Variants in MCM9 observed in about 807,000 individuals in gnomAD.
MCM9 encodes the protein DNA helicase MCM9.
MCM9 carries 55 observed loss-of-function variants against 72.8 expected under a neutral mutation model. The ratio of observed to expected loss-of-function variants is 0.76; its 90% CI spans 0.61 to 0.95. MCM9 has a LOEUF of 0.95. MCM9 is among the 40% of genes least tolerant of loss of function. The pLI, the probability that MCM9 is intolerant of heterozygous loss-of-function variation, is 0.00. For missense variants in MCM9, 1,279 were observed against 1,377.0 expected (o/e 0.93, Z 1.13); for synonymous variants, 480 against 503.4 (o/e 0.95, Z 0.62).
intron 8 of MCM9, among the ~76,000 whole-genome samples, chr6:118,894,943 G>C (rs1208816327): frequency 2.0e-5 from 3 of 152,194 alleles, no homozygotes; most frequent in South Asian, 2.1e-4. Context: ...GGCGAGTTCG[G>C]AGCGGAGCCA....
intron 8 of MCM9, among the ~76,000 whole-genome samples, chr6:118,901,194 G>GTT (rs1779779028): frequency 6.6e-6 from 1 of 152,180 alleles, no homozygotes; most frequent in Admixed American, 6.5e-5. Flanking sequence ...TAGCACCTCA[G>GTT]TATCAGACTT....
chr6:118,918,752 G>T (rs1288247126), intron 5 of MCM9: 2 of 152,092 alleles, frequency 1.3e-5, no homozygotes, highest in East Asian at 3.8e-4. Context: ...GAACTAACAG[G>T]CAATTCTTCA....
At chr6:118,844,115 C>T (rs1432922451) in intron 9 of MCM9, among the ~76,000 whole-genome samples, 3 of 151,742 alleles carry the variant, frequency 2.0e-5, no homozygotes, top group Non-Finnish European at 4.4e-5. Context: ...TCCCTTTGCA[C>T]ACTTAACCCT....
intron 8 of MCM9, among the ~76,000 whole-genome samples, chr6:118,883,239 AG>A (rs1778406081): frequency 6.6e-6 from 1 of 152,268 alleles, no homozygotes; most frequent in East Asian, 1.9e-4. Flanking sequence ...AAATTGCAGA[AG>A]AAAAAGTCAG....
intron 8 of MCM9, among the ~76,000 whole-genome samples, chr6:118,887,607 A>G (rs1485900215): frequency 2.0e-5 from 3 of 152,236 alleles, no homozygotes; most frequent in African/African-American, 4.8e-5. Context: ...ACAATCCAAC[A>G]TAACGAAAAT....
At chr6:118,910,659 G>A (rs1197598788) in intron 8 of MCM9, 2 of 985,194 alleles carry the variant, frequency 2.0e-6, no homozygotes, top group Non-Finnish European at 2.4e-6. Context: ...AGAACACTGG[G>A]TCATACGGAT....
intron 6 of MCM9, 45 bp downstream of exon 6, chr6:118,917,516 T>C: frequency 4.5e-6 from 7 of 1,554,416 alleles, no homozygotes; most frequent in Non-Finnish European, 4.4e-6. Flanking sequence ...AACCACTGAA[T>C]GTAATACCAT....
intron 3 of MCM9, among the ~76,000 whole-genome samples, chr6:118,929,855 C>G (rs1782240717): frequency 6.6e-6 from 1 of 152,038 alleles, no homozygotes; most frequent in African/African-American, 2.4e-5. Flanking sequence ...TTGATCCCAT[C>G]AAGAGATTAT....
chr6:118,911,286 C>G (rs1467860366), intron 8 of MCM9: 2 of 1,003,894 alleles, frequency 2.0e-6, no homozygotes, highest in Non-Finnish European at 1.2e-6. Flanking sequence ...GCCTTAAGCT[C>G]TATACCATCT....
intron 2 of MCM9, 55 bp downstream of exon 2, chr6:118,932,552 C>T: frequency 1.1e-6 from 1 of 944,944 alleles, no homozygotes; most frequent in Non-Finnish European, 1.3e-6. Flanking sequence ...CTCTCTCTCT[C>T]TTTAGTTATA....
In MCM9 at chr6:118,826,811, C is replaced by T; in HGVS notation, c.1786G>A (p.Val596Met). The T allele has an allele frequency of 1.3e-6, 2 of 1,550,376 alleles. No homozygotes were observed. Among genetic ancestry groups the T allele is most frequent in the Non-Finnish European group, 1.7e-6 (2 of 1,146,886 alleles). The part of the protein sequence containing the change: ...DTVTLEDAIT[V>M]VSVMESSMQG... Reference sequence around the variant, plus strand: ...ATTGAGGACTCCATGACTGACACCACCGTAATAGCGTCTTCCAGAGTTACA... The same window carrying T: ...ATTGAGGACTCCATGACTGACACCATCGTAATAGCGTCTTCCAGAGTTACA... Residue 596 changes from valine to methionine, a missense_variant, in exon 12 of 14, where the codon GTG (valine) becomes ATG (methionine). Transcript: ENST00000619706.
rs145981353 is a variant in MCM9 at position 118,842,712 on chromosome 6, G to A, written c.1326-13462C>T. ...TTTTAAAATTTTTTGAAGAAAAGGG[G>A]TCTCATTATGTTGCCCAGGTTGGTC... is the stretch of plus-strand genomic sequence containing the variant. On this transcript the variant is annotated intron_variant, in intron 9 of 13. Coordinates refer to ENST00000619706, the MANE Select transcript of MCM9 (RefSeq NM_017696.3). Among the ~76,000 whole-genome samples, 583 of 152,110 alleles carry A rather than the reference G, an allele frequency of 3.8e-3. 6 individuals carry two copies. Among genetic ancestry groups the A allele is most frequent in the African/African-American group, 0.013 (556 of 41,482 alleles).
intron 9 of MCM9, among the ~76,000 whole-genome samples, chr6:118,841,777 T>G (rs892129734): frequency 6.6e-6 from 1 of 151,996 alleles, no homozygotes; most frequent in Non-Finnish European, 1.5e-5. Flanking sequence ...GCAGAAAGCA[T>G]GACATTGTTT....
chr6:118,835,834 A>G (rs1774916423), intron 9 of MCM9, among the ~76,000 whole-genome samples: 1 of 151,846 alleles, frequency 6.6e-6, no homozygotes, highest in South Asian at 2.1e-4. Flanking sequence ...ATTTGTACCC[A>G]TTATTTCTTT....
At chr6:118,847,515 G>C (rs915239976) in intron 9 of MCM9, among the ~76,000 whole-genome samples, 1 of 150,330 alleles carries the variant, frequency 6.7e-6, no homozygotes, top group African/African-American at 2.5e-5. Flanking sequence ...GTGCTAAGGA[G>C]AGGAATAAAA....
At chr6:118,838,455 G>A (rs910752524) in intron 9 of MCM9, among the ~76,000 whole-genome samples, 1 of 151,586 alleles carries the variant, frequency 6.6e-6, no homozygotes, top group Non-Finnish European at 1.5e-5. Context: ...CACCACGCCC[G>A]GCTTTTTTGT....
intron 8 of MCM9, among the ~76,000 whole-genome samples, chr6:118,906,340 T>C (rs1780176938): frequency 6.6e-6 from 1 of 152,216 alleles, no homozygotes; most frequent in African/African-American, 2.4e-5. Context: ...CCCAAAGTGC[T>C]GGGATTACAG....
chr6:118,818,608 C>G (rs1044162761), intron 13 of MCM9, among the ~76,000 whole-genome samples: 3 of 152,102 alleles, frequency 2.0e-5, no homozygotes, highest in African/African-American at 4.8e-5. Flanking sequence ...CATGGCTATA[C>G]CGGCTCTATT....
intron 8 of MCM9, among the ~76,000 whole-genome samples, chr6:118,891,401 A>C (rs1778932426): frequency 6.6e-6 from 1 of 152,220 alleles, no homozygotes; most frequent in Non-Finnish European, 1.5e-5. Context: ...CTGCCATAAC[A>C]AAATATCACT....
Sources: gnomAD v4.1 joint callset for allele counts (sites outside exome capture counted in the v4.1 genomes callset) on GRCh38, gnomAD v4.1.1 for gene constraint, MANE v1.5 for transcripts, NCBI Gene and HGNC (gene_info 2026-07-23, HGNC 2026-07-21) for gene names.